Variants in TMEM259 observed in about 807,000 individuals in gnomAD.
The protein encoded by TMEM259 is membralin.
Under a neutral mutation model 46.7 loss-of-function variants are expected in TMEM259, and 26 were observed. The observed-to-expected ratio is 0.56, with a 90% CI of 0.41 to 0.77. TMEM259 has a LOEUF of 0.77. TMEM259 is among the 30% of genes least tolerant of loss of function. The probability of loss-of-function intolerance (pLI) is 0.00; values close to 1 mark genes in which losing one functional copy is unlikely to be tolerated. For missense variants in TMEM259, 930 were observed against 900.5 expected (o/e 1.03, Z -0.42); for synonymous variants, 494 against 395.1 (o/e 1.25, Z -2.97).
chr19:1,013,929 A>G (rs1465833127), intron 2 of TMEM259, among the ~76,000 whole-genome samples: 1 of 151,908 alleles, frequency 6.6e-6, no homozygotes, highest in Non-Finnish European at 1.5e-5. Context: ...GCTACTCTCA[A>G]AGGCCCGAGT....
At position 1,020,202 on chromosome 19, in the gene TMEM259, G is replaced by C. The variant is rs1371879145; in HGVS notation, c.225+570C>G. On this transcript the variant is annotated intron_variant, in intron 1 of 10. Transcript: ENST00000356663. The surrounding 1 kb of genome is among the most constrained non-coding windows in gnomAD (Gnocchi z 4.0). ...TAAGTCACATTCCCCTGAGGCTCAG[G>C]AGCGGGGAACGCAGCTGAAAGGCTA... is the stretch of plus-strand genomic sequence containing the variant. 4.2e-5 allele frequency among the ~76,000 whole-genome samples: 4 copies of C among 95,532 alleles called. No homozygotes were observed. The East Asian group carries it at 8.6e-4, about 20-fold the overall frequency. The allele number at this position is 95,532 out of a possible 152,430, so 62.7% of individuals were successfully genotyped here. A position where few individuals can be genotyped will look rare whatever the true frequency, so the allele number is the denominator to read the frequency against.
rs755090111 is a variant in TMEM259, at chr19:1,011,935, G to A, written c.899C>T (p.Ala300Val). Residue 300 changes from alanine to valine, a missense_variant, in exon 6 of 11, where the codon GCG becomes GTG. By Grantham distance (64) the Ala-to-Val change is moderately conservative. Coordinates refer to ENST00000356663, the MANE Select transcript of TMEM259 (RefSeq NM_001033026.2). ...EHYRFVSMWM[A>V]RTSYLAAFAI... ...GAAGGCGGCCAGGTAGGACGTCCGC[G>A]CCATCCACATGCTCACAAAGCGGTA... 7 of 1,612,016 alleles carry A rather than the reference G, an allele frequency of 4.3e-6. No homozygotes were observed. The highest frequency in any genetic ancestry group is 5.1e-6 in the Non-Finnish European group (6 of 1,179,578).
At position 1,010,391 on chromosome 19, in the gene TMEM259, A is replaced by T; in HGVS notation, c.1822T>A (p.Ser608Thr). Residue 608 changes from serine (S) to threonine (T), a missense_variant, in exon 11 of 11, where the codon TCC becomes ACC. Transcript: ENST00000356663. Reference sequence around the variant, plus strand: ...GAGGGCGCCTCCGTTGGGGCCATGGAGGCCGGGCTAGGCCCGCCTACCGCA... The same window carrying T: ...GAGGGCGCCTCCGTTGGGGCCATGGTGGCCGGGCTAGGCCCGCCTACCGCA... ...GAAVGGPSPA[S>T]MAPTEAPSEV... 1 of 1,506,686 alleles carries T rather than the reference A, an allele frequency of 6.6e-7. No individual in the cohort carries two copies. Among genetic ancestry groups the T allele is most frequent in the East Asian group, 2.4e-5 (1 of 40,862 alleles). 93.3% of individuals were successfully genotyped at this position (1,506,686 alleles called of 1,614,324 possible). A position where few individuals can be genotyped will look rare whatever the true frequency, so the allele number is the denominator to read the frequency against.
intron 2 of TMEM259, 51 bp downstream of exon 2, chr19:1,014,141 G>T: frequency 1.3e-6 from 2 of 1,571,182 alleles, no homozygotes; most frequent in East Asian, 2.3e-5. Context: ...TCAGCGACCA[G>T]CATCTACGGG....
chr19:1,013,455 C>G (rs1446471590), intron 2 of TMEM259, 115 bp from the exon 3 acceptor site: 3 of 1,059,602 alleles, frequency 2.8e-6, no homozygotes, highest in Admixed American at 4.2e-5. Flanking sequence ...CTCTGCCCCA[C>G]CACTGACCAG....
At chr19:1,012,017 C>A (rs1380765831) in intron 5 of TMEM259, 25 bp from the exon 6 acceptor site, 3 of 1,611,526 alleles carry the variant, frequency 1.9e-6, no homozygotes, top group Non-Finnish European at 2.5e-6. Context: ...GCCGTGAGCG[C>A]CCGCCCCCAC....
In TMEM259 at chr19:1,011,509, G is replaced by C. The variant is rs1337176260; in HGVS notation, c.1085-10C>G. ...ATGATGGCCTCCATCCCTGCAGGGAGAGGCGGCGCCGGTTGAAGCGGGCGG... is the reference window on the plus strand; with the variant it reads ...ATGATGGCCTCCATCCCTGCAGGGACAGGCGGCGCCGGTTGAAGCGGGCGG... On this transcript the variant is annotated splice_polypyrimidine_tract_variant and intron_variant, in intron 8 of 10. Coordinates refer to ENST00000356663, the MANE Select transcript of TMEM259 (RefSeq NM_001033026.2). 2 of 1,545,816 alleles carry C rather than the reference G, an allele frequency of 1.3e-6. No homozygotes were observed. The highest frequency in any genetic ancestry group is 3.9e-5 in the Admixed American group (2 of 50,914).
At position 1,011,932 on chromosome 19, in the gene TMEM259, C is replaced by T. The variant is rs766501808; in HGVS notation, c.902G>A (p.Arg301Gln). 24 of 1,611,922 alleles carry T rather than the reference C, an allele frequency of 1.5e-5. 1 individual carries two copies. In the South Asian group the frequency reaches 1.8e-4, roughly 12 times the overall value. Residue 301 changes from arginine (R) to glutamine (Q), a missense_variant, in exon 6 of 11, where the codon CGG becomes CAG. By Grantham distance (43) the Arg-to-Gln change is conservative. Coordinates refer to ENST00000356663, the MANE Select transcript of TMEM259 (RefSeq NM_001033026.2). ...GGCGAAGGCGGCCAGGTAGGACGTC[C>T]GCGCCATCCACATGCTCACAAAGCG... ...HYRFVSMWMA[R>Q]TSYLAAFAIM... is the part of the protein sequence containing the mutation.
At position 1,020,820 on chromosome 19, in the gene TMEM259, G is replaced by A. The variant is rs2039269302; in HGVS notation, c.177C>T (p.Leu59=). ...AGAGACGGCGGAAGGCGGGCGGGAA[G>A]AGCCGCGAATAGGTGACAGCCATCT... ...FFKMAVTYSR[L]FPPAFRRLFE... The change falls in exon 1 of 11, where the codon CTC becomes CTT. Residue 59 remains leucine, a synonymous_variant. Coordinates refer to ENST00000356663, the MANE Select transcript of TMEM259 (RefSeq NM_001033026.2). This position sits in a 1 kb window ranked among gnomAD's most constrained non-coding sequence, Gnocchi z 4.0. The A allele has an allele frequency of 2.2e-6, 3 of 1,369,528 alleles. No homozygotes were observed. The highest frequency in any genetic ancestry group is 2.8e-6 in the Non-Finnish European group (3 of 1,057,450). The allele number at this position is 1,369,528 out of a possible 1,614,324, so 84.8% of individuals were successfully genotyped here. A position where few individuals can be genotyped will look rare whatever the true frequency, so the allele number is the denominator to read the frequency against.
rs766352941 is a variant in TMEM259, at chr19:1,009,801, C to T, written c.*549G>A. The stretch of plus-strand genomic sequence containing the variant: ...ATCCCCGAGTGGGACTGGACCACGG[C>T]CCTGGCTGCTGCCACTGATGTTGGC... On this transcript the variant is annotated 3_prime_UTR_variant, in exon 11 of 11. Transcript: ENST00000356663. The T allele has an allele frequency of 5.7e-5, 28 of 491,520 alleles. No individual in the cohort carries two copies. Among genetic ancestry groups the T allele is most frequent in the Non-Finnish European group, 6.5e-5 (19 of 292,974 alleles). 30.4% of individuals were successfully genotyped at this position (491,520 alleles called of 1,614,324 possible).
chr19:1,010,816 T>C lies in TMEM259; in HGVS notation c.1397A>G (p.Gln466Arg). 1.9e-6 allele frequency: 3 copies of C among 1,585,748 alleles called. No homozygotes were observed. Among genetic ancestry groups the C allele is most frequent in the Non-Finnish European group, 2.6e-6 (3 of 1,174,430 alleles). The change falls in exon 11 of 11, where the codon CAG becomes CGG. Residue 466 changes from glutamine to arginine, a missense_variant. By Grantham distance (43) the Gln-to-Arg change is conservative. Coordinates refer to ENST00000356663, the MANE Select transcript of TMEM259 (RefSeq NM_001033026.2). ...QQVRIQEMLL[Q>R]APPLGPGTPT... ...GGTCCCGGGGCCCAGTGGCGGCGCC[T>C]GAAGCAGCATCTCCTGGATGCGGAC... is the stretch of plus-strand genomic sequence containing the variant.
rs145403374 is a variant in TMEM259 at position 1,011,123 on chromosome 19, G to A, written c.1290C>T (p.Ala430=). 344 of 1,601,434 alleles carry A rather than the reference G, an allele frequency of 2.1e-4. No homozygotes were observed. In the African/African-American group the frequency reaches 3.5e-3, roughly 17 times the overall value. Residue 430 remains alanine (A), a synonymous_variant, in exon 10 of 11, where the codon GCC becomes GCT. Transcript: ENST00000356663. The part of the protein sequence containing the change: ...YRFNGQYSSL[A]LVTSWLFIQH... Reference sequence around the variant, plus strand: ...GGATGAAGAGCCAGGAGGTGACCAGGGCCAGGCTGCTATACTGCCCATTGA... The same window carrying A: ...GGATGAAGAGCCAGGAGGTGACCAGAGCCAGGCTGCTATACTGCCCATTGA...
rs72436720 is a variant in TMEM259 at position 1,020,212 on chromosome 19, C to CGGGGTAGGG, written c.225+559_225+560insCCCTACCCC. Among the ~76,000 whole-genome samples the CGGGGTAGGG allele has an allele frequency of 6.6e-6, 1 of 151,264 alleles. No individual in the cohort carries two copies. Among genetic ancestry groups the CGGGGTAGGG allele is most frequent in the South Asian group, 2.1e-4 (1 of 4,808 alleles). On this transcript the variant is annotated intron_variant, in intron 1 of 10. Coordinates refer to ENST00000356663, the MANE Select transcript of TMEM259 (RefSeq NM_001033026.2). The surrounding 1 kb of genome is among the most constrained non-coding windows in gnomAD (Gnocchi z 4.0). ...TCCCCTGAGGCTCAGGAGCGGGGAA[C>CGGGGTAGGG]GCAGCTGAAAGGCTACAAGGAGGGA...
chr19:1,012,638 G>C (rs2038976129), intron 3 of TMEM259, 65 bp from the exon 4 acceptor site: 3 of 1,526,076 alleles, frequency 2.0e-6, no homozygotes, highest in Non-Finnish European at 2.6e-6. Flanking sequence ...CTGCCAGCAG[G>C]CAAGGCAGGC....
At position 1,010,220 on chromosome 19, in the gene TMEM259, G is replaced by A. The variant is rs1370436129; in HGVS notation, c.*130C>T. 27 of 937,390 alleles carry A rather than the reference G, an allele frequency of 2.9e-5. No individual in the cohort carries two copies. In the East Asian group the frequency reaches 8.0e-4, roughly 28 times the overall value. 58.1% of individuals were successfully genotyped at this position (937,390 alleles called of 1,614,324 possible). On this transcript the variant is annotated 3_prime_UTR_variant, in exon 11 of 11. Coordinates refer to ENST00000356663, the MANE Select transcript of TMEM259 (RefSeq NM_001033026.2). ...AAGCCGCCTTCCGGGCAAACCCCAC[G>A]AAACCCTGAAAGCCCCCGACACAGG...
chr19:1,012,211 G>A (rs1423300797), intron 4 of TMEM259, 23 bp from the exon 5 acceptor site: 1 of 1,585,224 alleles, frequency 6.3e-7, no homozygotes, highest in East Asian at 2.3e-5. Context: ...GAATCAGGGA[G>A]CCGGGAGCCC....
chr19:1,010,464 A>G lies in TMEM259; in HGVS notation c.1749T>C (p.Ser583=), dbSNP rs1390805676. ...AAGCTGCGGAGTCACTCGGGGGGACACTGTCCTGGGGGGCGTGGGGGAGGC... is the reference window on the plus strand; with the variant it reads ...AAGCTGCGGAGTCACTCGGGGGGACGCTGTCCTGGGGGGCGTGGGGGAGGC... The part of the protein sequence containing the change: ...AGGLPHAPQD[S]VPPSDSAASD... Residue 583 remains serine, a synonymous_variant, in exon 11 of 11, where the codon AGT becomes AGC. Coordinates refer to ENST00000356663, the MANE Select transcript of TMEM259 (RefSeq NM_001033026.2). The G allele has an allele frequency of 6.5e-7, 1 of 1,540,216 alleles. No homozygotes were observed. Among genetic ancestry groups the G allele is most frequent in the Admixed American group, 2.1e-5 (1 of 48,542 alleles).
In TMEM259 at chr19:1,009,872, C is replaced by T. The variant is rs967332205; in HGVS notation, c.*478G>A. On this transcript the variant is annotated 3_prime_UTR_variant, in exon 11 of 11. Coordinates refer to ENST00000356663, the MANE Select transcript of TMEM259 (RefSeq NM_001033026.2). ...TGCCCGAGGCGCAAGCTCTGCTCTC[C>T]CGGGGACCCCAAGCCTGGCGCACAC... 20 of 397,190 alleles carry T rather than the reference C, an allele frequency of 5.0e-5. No individual in the cohort carries two copies. Among genetic ancestry groups the T allele is most frequent in the Admixed American group, 9.3e-5 (2 of 21,394 alleles). 24.6% of individuals were successfully genotyped at this position (397,190 alleles called of 1,614,324 possible). A position where few individuals can be genotyped will look rare whatever the true frequency, so the allele number is the denominator to read the frequency against.
chr19:1,012,481 C>T lies in TMEM259; in HGVS notation c.700G>A (p.Val234Ile), dbSNP rs757724979. The T allele has an allele frequency of 7.5e-6, 12 of 1,604,822 alleles. No homozygotes were observed. Among genetic ancestry groups the T allele is most frequent in the Non-Finnish European group, 8.5e-6 (10 of 1,177,146 alleles). Residue 234 changes from valine to isoleucine, a missense_variant, in exon 4 of 11, where the codon GTC becomes ATC. Val to Ile is a conservative substitution (Grantham distance 29). Coordinates refer to ENST00000356663, the MANE Select transcript of TMEM259 (RefSeq NM_001033026.2). ...QATRQRLSIPVMVVTLDPTRD... is the reference protein window; with the variant it reads ...QATRQRLSIPIMVVTLDPTRD... ...GACTCACCCAGGGTGACCACCATGA[C>T]GGGGATGCTCAGGCGCTGGCGGGTG... is the stretch of plus-strand genomic sequence containing the variant.
Sources: gnomAD v4.1 joint callset for allele counts (sites outside exome capture counted in the v4.1 genomes callset) on GRCh38, gnomAD v4.1.1 for gene constraint, Gnocchi (gnomAD v3.1) non-coding constraint, MANE v1.5 for transcripts, NCBI Gene and HGNC (gene_info 2026-07-23, HGNC 2026-07-21) for gene names.